The following PLGRKT variants were observed in gnomAD, a reference collection of about 807,000 sequenced individuals.
The protein encoded by PLGRKT is plasminogen receptor with a C-terminal lysine.
A neutral mutation model predicts 18.5 loss-of-function variants in PLGRKT; 22 were observed. The ratio of observed to expected loss-of-function variants is 1.19; its 90% CI spans 0.85 to 1.70. PLGRKT has a LOEUF of 1.70. Among genes scored for constraint, PLGRKT ranks in the 40% most tolerant of loss-of-function variants. The pLI is 0.00. For synonymous variants in PLGRKT, 72 were observed against 52.8 expected, an observed-to-expected ratio of 1.36 and a Z score of -1.58; for missense variants, 235 against 174.4, an observed-to-expected ratio of 1.35 and a Z score of -1.96.
At chr9:5,400,803 T>C (rs1346484024) in intron 3 of PLGRKT, among the ~76,000 whole-genome samples, 1 of 151,970 alleles carries the variant, frequency 6.6e-6, no homozygotes, top group Non-Finnish European at 1.5e-5. Context: ...CATAAACAAA[T>C]GTGAAGACGC....
rs1187492317 is a variant in PLGRKT at position 5,418,641 on chromosome 9, C to A, written c.81+13256G>T. ...GCAGGTGGCGGCTCATATCTCCGGGCAGCAGCGCGTGCTCCTTGGAGATGG... is the reference window on the plus strand; with the variant it reads ...GCAGGTGGCGGCTCATATCTCCGGGAAGCAGCGCGTGCTCCTTGGAGATGG... On this transcript the variant is annotated intron_variant, in intron 3 of 5. Coordinates refer to ENST00000223864, the MANE Select transcript of PLGRKT (RefSeq NM_018465.4). The surrounding 1 kb of genome is among the most constrained non-coding windows in gnomAD (Gnocchi z 4.2). The A allele has an allele frequency of 8.6e-6, 6 of 696,518 alleles. No individual in the cohort carries two copies. The East Asian group carries it at 1.6e-4, about 19-fold the overall frequency. The allele number at this position is 696,518 out of a possible 1,614,324, so 43.1% of individuals were successfully genotyped here. A position where few individuals can be genotyped will look rare whatever the true frequency, so the allele number is the denominator to read the frequency against.
At chr9:5,435,107 T>C (rs1194325598) in intron 2 of PLGRKT, among the ~76,000 whole-genome samples, 4 of 151,964 alleles carry the variant, frequency 2.6e-5, no homozygotes, top group East Asian at 1.9e-4. Context: ...GTTAAACAGA[T>C]GCTTGAAGAC....
intron 3 of PLGRKT, among the ~76,000 whole-genome samples, chr9:5,424,646 AT>A (rs1818653069): frequency 7.9e-6 from 1 of 126,266 alleles, no homozygotes; most frequent in Non-Finnish European, 1.5e-5. Flanking sequence ...TATTTACATT[AT>A]ATATAATATA....
intron 2 of PLGRKT, among the ~76,000 whole-genome samples, chr9:5,433,310 T>A (rs941639204): frequency 2.7e-5 from 4 of 150,622 alleles, no homozygotes; most frequent in African/African-American, 9.9e-5. Flanking sequence ...CCGCCCGTTG[T>A]CTGGGATGTG....
chr9:5,412,593 C>G (rs182239596), intron 3 of PLGRKT, among the ~76,000 whole-genome samples: 2 of 152,290 alleles, frequency 1.3e-5, no homozygotes, highest in African/African-American at 4.8e-5. Flanking sequence ...CCTCTAGAAC[C>G]ATGAGCTAAA....
At position 5,403,599 on chromosome 9, in the gene PLGRKT, T is replaced by C. The variant is rs774312755; in HGVS notation, c.81+28298A>G. 5.0e-4 allele frequency among the ~76,000 whole-genome samples: 76 copies of C among 152,232 alleles called. 2 individuals are homozygous for C. Among genetic ancestry groups the C allele is most frequent in the Non-Finnish European group, 6.2e-4 (42 of 68,042 alleles). On this transcript the variant is annotated intron_variant, in intron 3 of 5. Transcript: ENST00000223864. ...AGTAAGGATAAAGGCAACGATAAGA[T>C]TGTTCTACTAAAGCACAAGAAAACA... is the stretch of plus-strand genomic sequence containing the variant.
At chr9:5,360,315 T>C (rs898240562) in intron 5 of PLGRKT, among the ~76,000 whole-genome samples, 4 of 152,202 alleles carry the variant, frequency 2.6e-5, no homozygotes, top group African/African-American at 4.8e-5. Flanking sequence ...AGACCATAGG[T>C]TGGCAAACTG....
intron 3 of PLGRKT, among the ~76,000 whole-genome samples, chr9:5,399,494 T>C (rs760636435): frequency 2.0e-5 from 3 of 151,840 alleles, no homozygotes; most frequent in Non-Finnish European, 4.4e-5. Flanking sequence ...GTCCGGTCCT[T>C]GCAAGTGACA....
At chr9:5,407,676 T>C (rs1586731607) in intron 3 of PLGRKT, among the ~76,000 whole-genome samples, 1 of 152,132 alleles carries the variant, frequency 6.6e-6, no homozygotes, top group South Asian at 2.1e-4. Context: ...TTCTGAAGCA[T>C]TGCTTTGCAA....
chr9:5,415,891 G>A (rs1365017172), intron 3 of PLGRKT, among the ~76,000 whole-genome samples: 4 of 151,458 alleles, frequency 2.6e-5, no homozygotes, highest in African/African-American at 7.3e-5. Context: ...AATGTGATGG[G>A]AGATCTTGGG....
At chr9:5,358,499 A>T in intron 5 of PLGRKT, 139 bp from the exon 6 acceptor site, 1 of 615,788 alleles carries the variant, frequency 1.6e-6, no homozygotes, top group South Asian at 2.6e-5. Context: ...CATTTTCCTC[A>T]GGAGAAGTAA....
chr9:5,407,480 T>C (rs1818278086), intron 3 of PLGRKT, among the ~76,000 whole-genome samples: 1 of 152,226 alleles, frequency 6.6e-6, no homozygotes, highest in African/African-American at 2.4e-5. Context: ...CCTTGTGTTT[T>C]TATCTTTATA....
intron 2 of PLGRKT, 66 bp from the exon 3 acceptor site, chr9:5,432,049 T>G (rs1818838126): frequency 5.4e-6 from 4 of 738,080 alleles, no homozygotes; most frequent in East Asian, 2.5e-5. Context: ...ATGCTCCACT[T>G]TGAGCTACCT....
chr9:5,414,513 A>G (rs1818422641), intron 3 of PLGRKT, among the ~76,000 whole-genome samples: 1 of 152,188 alleles, frequency 6.6e-6, no homozygotes, highest in Non-Finnish European at 1.5e-5. Flanking sequence ...AATGTTTCAT[A>G]TACTCCTCAG....
chr9:5,380,656 T>C (rs937634360), intron 3 of PLGRKT, among the ~76,000 whole-genome samples: 1 of 152,244 alleles, frequency 6.6e-6, no homozygotes, highest in Non-Finnish European at 1.5e-5. Context: ...TTTTAAATTT[T>C]ATTTTATCTT....
At chr9:5,392,494 C>A (rs1037536100) in intron 3 of PLGRKT, 2 of 151,916 alleles carry the variant, frequency 1.3e-5, no homozygotes, top group African/African-American at 4.9e-5. Context: ...TAGCATGTCT[C>A]GGCTTTTGCA....
intron 3 of PLGRKT, among the ~76,000 whole-genome samples, chr9:5,373,887 C>A (rs148034883): frequency 1.0e-3 from 152 of 152,244 alleles, no homozygotes; most frequent in African/African-American, 3.4e-3. Context: ...CCTCCCATAA[C>A]TAAAATACAA....
chr9:5,365,175 G>A (rs1817358553), intron 3 of PLGRKT, among the ~76,000 whole-genome samples: 1 of 151,940 alleles, frequency 6.6e-6, no homozygotes, highest in African/African-American at 2.4e-5. Flanking sequence ...CTAGGACTGG[G>A]GCAAGAAATG....
In PLGRKT at chr9:5,389,419, G is replaced by A. The variant is rs111832850; in HGVS notation, c.82-27531C>T. ...ATGAAATTGTTTATGTTCTGCAGGA[G>A]AACATGACGGTCTAGCTGATAGTGC... is the stretch of plus-strand genomic sequence containing the variant. On this transcript the variant is annotated intron_variant, in intron 3 of 5. Transcript: ENST00000223864. Among the ~76,000 whole-genome samples, 951 of 151,970 alleles carry A rather than the reference G, an allele frequency of 6.3e-3. 32 individuals are homozygous for A. The highest frequency in any genetic ancestry group is 0.022 in the African/African-American group (906 of 41,280).
Sources: allele counts gnomAD v4.1 joint callset (sites outside exome capture counted in the v4.1 genomes callset), GRCh38; gene constraint gnomAD v4.1.1; non-coding constraint Gnocchi (gnomAD v3.1); transcripts MANE v1.5; gene names NCBI Gene and HGNC (gene_info 2026-07-23, HGNC 2026-07-21).